Variants in GALNTL6 observed in about 807,000 individuals in gnomAD.
The protein encoded by GALNTL6 is polypeptide N-acetylgalactosaminyltransferase like 6.
GALNTL6 carries 46 observed loss-of-function variants against 73.7 expected under a neutral mutation model. That is an observed-to-expected ratio of 0.62 (90% CI 0.49 to 0.80). The LOEUF (loss-of-function observed/expected upper bound fraction) is 0.80, where lower values mean the gene tolerates loss of function less well. Among genes scored for constraint, GALNTL6 ranks in the 30% least tolerant of loss-of-function variants. GALNTL6 has a pLI of 0.00. For missense variants in GALNTL6, 604 were observed against 755.0 expected, an observed-to-expected ratio of 0.80 and a Z score of 2.34; for synonymous variants, 259 against 263.7, an observed-to-expected ratio of 0.98 and a Z score of 0.17.
At chr4:173,019,173 C>G (rs959304502) in intron 11 of GALNTL6, among the ~76,000 whole-genome samples, 1 of 152,008 alleles carries the variant, frequency 6.6e-6, no homozygotes, top group African/African-American at 2.4e-5. Context: ...ACATGACCAC[C>G]AATTAAACCA....
At chr4:172,138,325 T>C (rs974034841) in intron 2 of GALNTL6, among the ~76,000 whole-genome samples, 2 of 150,464 alleles carry the variant, frequency 1.3e-5, no homozygotes, top group African/African-American at 4.9e-5. Context: ...AGGTGTTACA[T>C]GTTATTATAT....
intron 3 of GALNTL6, among the ~76,000 whole-genome samples, chr4:172,243,984 A>G (rs1332325611): frequency 3.3e-5 from 5 of 152,086 alleles, no homozygotes; most frequent in African/African-American, 1.2e-4. Context: ...TAAAAATATT[A>G]TCTGGCACCC....
chr4:172,776,188 C>T (rs59569156), intron 5 of GALNTL6, among the ~76,000 whole-genome samples: 67,641 of 152,074 alleles, frequency 0.44, 17,528 homozygotes, highest in East Asian at 0.72. Flanking sequence ...AGCAATGAAA[C>T]GCTAATGTAA....
At chr4:172,388,093 C>G (rs1743535356) in intron 5 of GALNTL6, among the ~76,000 whole-genome samples, 1 of 152,086 alleles carries the variant, frequency 6.6e-6, no homozygotes. Flanking sequence ...CTTCTCCTAA[C>G]AAATCCAAGT....
chr4:171,913,841 A>G (rs1229319398), intron 2 of GALNTL6, among the ~76,000 whole-genome samples: 1 of 137,238 alleles, frequency 7.3e-6, no homozygotes, highest in East Asian at 2.0e-4. Flanking sequence ...TTAGCACAAT[A>G]AAAAGTTAAT....
intron 12 of GALNTL6, among the ~76,000 whole-genome samples, chr4:173,037,832 T>C (rs1753756552): frequency 6.6e-6 from 1 of 151,738 alleles, no homozygotes; most frequent in Non-Finnish European, 1.5e-5. Flanking sequence ...AACCTCCGCC[T>C]CCTGGGTTCA....
chr4:172,282,449 T>C (rs1739094543), intron 3 of GALNTL6, among the ~76,000 whole-genome samples: 1 of 152,054 alleles, frequency 6.6e-6, no homozygotes, highest in African/African-American at 2.4e-5. Flanking sequence ...TTTAGCAATA[T>C]GTTATAAATT....
chr4:172,471,538 A>T (rs1226219846), intron 5 of GALNTL6, among the ~76,000 whole-genome samples: 1 of 151,948 alleles, frequency 6.6e-6, no homozygotes, highest in African/African-American at 2.4e-5. Context: ...TATTTAGCCA[A>T]ATTTTTTTAG....
At position 172,284,669 on chromosome 4, in the gene GALNTL6, T is replaced by TGA. The variant is rs1739187443; in HGVS notation, c.248-26940_248-26939dup. Among the ~76,000 whole-genome samples, 5 of 152,312 alleles carry TGA rather than the reference T, an allele frequency of 3.3e-5. No individual in the cohort carries two copies. The South Asian group carries it at 1.0e-3, about 32-fold the overall frequency. ...ATTTTGTGTTGATTTTTGTGTATGGTGAGAGATTTGGGTCTGTTTTCAGTC... is the reference window on the plus strand; with the variant it reads ...ATTTTGTGTTGATTTTTGTGTATGGTGAGAGAGATTTGGGTCTGTTTTCAGTC... On this transcript the variant is annotated intron_variant, in intron 3 of 12. Coordinates refer to ENST00000506823, the MANE Select transcript of GALNTL6 (RefSeq NM_001034845.3).
intron 11 of GALNTL6, among the ~76,000 whole-genome samples, chr4:173,018,950 T>G (rs1752885212): frequency 2.0e-5 from 3 of 152,124 alleles, no homozygotes; most frequent in African/African-American, 7.2e-5. Flanking sequence ...CAGACTTCCT[T>G]GGAGGCTGAG....
chr4:172,183,734 T>C (rs1735330826), intron 2 of GALNTL6, among the ~76,000 whole-genome samples: 5 of 152,100 alleles, frequency 3.3e-5, no homozygotes, highest in Admixed American at 3.3e-4. Context: ...CATGAGCCCC[T>C]TGTGTTTTTG....
At chr4:172,442,833 T>A (rs1250655982) in intron 5 of GALNTL6, among the ~76,000 whole-genome samples, 2 of 151,984 alleles carry the variant, frequency 1.3e-5, no homozygotes, top group African/African-American at 4.8e-5. Flanking sequence ...GCAGGGAATT[T>A]CAAAATAACA....
chr4:172,223,327 T>C (rs1045194966), intron 2 of GALNTL6, among the ~76,000 whole-genome samples: 1 of 152,130 alleles, frequency 6.6e-6, no homozygotes, highest in African/African-American at 2.4e-5. Context: ...TCTGTGTTTG[T>C]ACATATATGA....
At chr4:172,339,339 T>A (rs1741476772) in intron 4 of GALNTL6, among the ~76,000 whole-genome samples, 1 of 147,266 alleles carries the variant, frequency 6.8e-6, no homozygotes. Flanking sequence ...ACCAAGTTGG[T>A]TTCTTCTCAC....
chr4:172,487,097 T>G (rs1733695208), intron 5 of GALNTL6, among the ~76,000 whole-genome samples: 2 of 151,960 alleles, frequency 1.3e-5, no homozygotes, highest in Non-Finnish European at 2.9e-5. Flanking sequence ...AAGTAATAAA[T>G]TTTCAAATAA....
intron 2 of GALNTL6, among the ~76,000 whole-genome samples, chr4:171,975,875 A>G (rs1308798794): frequency 2.6e-5 from 4 of 152,210 alleles, no homozygotes; most frequent in African/African-American, 7.2e-5. Flanking sequence ...AAAAAAATTA[A>G]TAAGTTGTCA....
At chr4:173,031,115 A>C (rs993589898) in intron 12 of GALNTL6, among the ~76,000 whole-genome samples, 5 of 152,182 alleles carry the variant, frequency 3.3e-5, no homozygotes, top group African/African-American at 1.2e-4. Context: ...ACCTTGGGCA[A>C]CTTTCTTACT....
intron 2 of GALNTL6, among the ~76,000 whole-genome samples, chr4:171,869,072 G>A (rs1287339194): frequency 6.6e-6 from 1 of 152,154 alleles, no homozygotes; most frequent in African/African-American, 2.4e-5. Flanking sequence ...TAACAGGGTA[G>A]TAGAAAAATC....
rs542238580 is a variant in GALNTL6 at position 172,247,555 on chromosome 4, A to G, written c.247+17791A>G. Among the ~76,000 whole-genome samples the G allele has an allele frequency of 2.6e-5, 4 of 152,316 alleles. No individual in the cohort carries two copies. The South Asian group carries it at 6.2e-4, about 24-fold the overall frequency. On this transcript the variant is annotated intron_variant, in intron 3 of 12. Transcript: ENST00000506823. ...AAATCAGACTGGAAACCAATGTCCA[A>G]TAGACACAAATGGGCTTCTACATCT... is the stretch of plus-strand genomic sequence containing the variant.
Sources: gnomAD v4.1 joint callset for allele counts (sites outside exome capture counted in the v4.1 genomes callset) on GRCh38, gnomAD v4.1.1 for gene constraint, MANE v1.5 for transcripts, NCBI Gene and HGNC (gene_info 2026-07-23, HGNC 2026-07-21) for gene names.